The following ERCC6L2 variants were observed in gnomAD, a reference collection of about 807,000 sequenced individuals.
The protein encoded by ERCC6L2 is DNA excision repair protein ERCC-6-like 2.
In ERCC6L2, 77 loss-of-function variants were observed where a neutral mutation model predicts 132.0. The ratio of observed to expected loss-of-function variants is 0.58; its 90% CI spans 0.49 to 0.71. The LOEUF is 0.71. Ranked by LOEUF, ERCC6L2 falls within the 30% of genes least tolerant of loss-of-function variation. The pLI is 0.00. For synonymous variants in ERCC6L2, 583 were observed against 632.4 expected, an observed-to-expected ratio of 0.92 and a Z score of 1.17; for missense variants, 1,542 against 1,837.6, an observed-to-expected ratio of 0.84 and a Z score of 2.94.
intron 12 of ERCC6L2, among the ~76,000 whole-genome samples, chr9:95,955,160 A>C (rs1831538197): frequency 6.6e-6 from 1 of 152,122 alleles, no homozygotes; most frequent in African/African-American, 2.4e-5. Flanking sequence ...ATCAGTTTAG[A>C]ATTTTAATTA....
At chr9:96,009,492 C>T (rs1158172917) in intron 18 of ERCC6L2, among the ~76,000 whole-genome samples, 1 of 152,212 alleles carries the variant, frequency 6.6e-6, no homozygotes, top group Non-Finnish European at 1.5e-5. Flanking sequence ...GTTCCACCTC[C>T]CTTCCTCCAG....
chr9:95,928,956 T>A, intron 11 of ERCC6L2, 92 bp downstream of exon 11: 4 of 957,850 alleles, frequency 4.2e-6, no homozygotes, highest in Non-Finnish European at 5.9e-6. Context: ...TAATTTTTAA[T>A]GGCTATGCTT....
At position 96,015,014 on chromosome 9, in the gene ERCC6L2, A is replaced by ATTT. The variant is rs1564306540; in HGVS notation, c.*1811_*1812insTTT. ...AGCTCTATAGTCTTCATATATGTAC[A>ATTT]GTTTTTTTTTTTTTTTTTTTTTTTT... On this transcript the variant is annotated 3_prime_UTR_variant, in exon 19 of 19. Coordinates refer to ENST00000653738, the MANE Select transcript of ERCC6L2 (RefSeq NM_020207.7). Among the ~76,000 whole-genome samples the ATTT allele has an allele frequency of 1.5e-5, 1 of 66,150 alleles. No individual in the cohort carries two copies. The highest frequency in any genetic ancestry group is 7.7e-5 in the African/African-American group (1 of 12,922). 43.4% of individuals were successfully genotyped at this position (66,150 alleles called of 152,430 possible).
intron 12 of ERCC6L2, among the ~76,000 whole-genome samples, chr9:95,948,069 AG>A (rs778644243): frequency 2.7e-4 from 41 of 152,320 alleles, no homozygotes; most frequent in Non-Finnish European, 5.4e-4. Flanking sequence ...ACATTTTGTA[AG>A]GCTATAGCTG....
At chr9:96,035,571 C>A (rs569702381) in intron 19 of ERCC6L2, among the ~76,000 whole-genome samples, 1 of 152,306 alleles carries the variant, frequency 6.6e-6, no homozygotes, top group South Asian at 2.1e-4. Flanking sequence ...CCAGGGACTC[C>A]TCTCTGCTGA....
chr9:96,037,057 C>T (rs998662503), intron 19 of ERCC6L2, among the ~76,000 whole-genome samples: 11 of 152,246 alleles, frequency 7.2e-5, no homozygotes, highest in East Asian at 1.9e-4. Context: ...TGAGCCACTG[C>T]GCCCGGCCCC....
intron 17 of ERCC6L2, among the ~76,000 whole-genome samples, chr9:95,998,932 A>G (rs1049569937): frequency 3.9e-5 from 6 of 152,316 alleles, no homozygotes; most frequent in Non-Finnish European, 8.8e-5. Context: ...GATTCCTAAA[A>G]TTTATTTTTA....
rs1183139537 is a variant in ERCC6L2 at position 95,881,061 on chromosome 9, G to A, written c.239G>A (p.Arg80Lys). The part of the protein sequence containing the change: ...QEVKFVKDCP[R>K]NLIFDDEDLE... Reference sequence around the variant, plus strand: ...GTGAAATTTGTTAAAGATTGCCCTAGGAATCTTATATTTGATGATGAAGAT... The same window carrying A: ...GTGAAATTTGTTAAAGATTGCCCTAAGAATCTTATATTTGATGATGAAGAT... The change falls in exon 2 of 19, where the codon AGG (arginine) becomes AAG (lysine). Residue 80 changes from arginine to lysine, a missense_variant. This residue lies in a region of ERCC6L2 where 153 missense variants were observed against 132.3 expected (regional missense o/e 1.16). Transcript: ENST00000653738. The A allele has an allele frequency of 1.2e-6, 2 of 1,613,676 alleles. No individual in the cohort carries two copies. Among genetic ancestry groups the A allele is most frequent in the Admixed American group, 3.3e-5 (2 of 59,980 alleles).
intron 17 of ERCC6L2, among the ~76,000 whole-genome samples, chr9:95,993,528 C>G (rs1172657611): frequency 6.6e-6 from 1 of 152,146 alleles, no homozygotes; most frequent in East Asian, 1.9e-4. Flanking sequence ...TTCACCTGCT[C>G]CCCCCAATGC....
At chr9:95,953,012 A>T (rs1039349368) in intron 12 of ERCC6L2, among the ~76,000 whole-genome samples, 1 of 152,168 alleles carries the variant, frequency 6.6e-6, no homozygotes, top group African/African-American at 2.4e-5. Flanking sequence ...TTCATGTTGT[A>T]CCTAGAGTCA....
chr9:95,984,858 C>G (rs1466234879), intron 17 of ERCC6L2, among the ~76,000 whole-genome samples: 1 of 152,092 alleles, frequency 6.6e-6, no homozygotes. Context: ...TTCATAGTTT[C>G]TCTGGAAATT....
intron 17 of ERCC6L2, among the ~76,000 whole-genome samples, chr9:95,986,231 C>G (rs1833089054): frequency 6.6e-6 from 1 of 152,146 alleles, no homozygotes; most frequent in Non-Finnish European, 1.5e-5. Flanking sequence ...GAATAACCAT[C>G]AAAAATTGGG....
intron 12 of ERCC6L2, among the ~76,000 whole-genome samples, chr9:95,945,295 G>C (rs1032718555): frequency 1.3e-5 from 2 of 152,150 alleles, no homozygotes; most frequent in Admixed American, 1.3e-4. Context: ...TGTTCCACCC[G>C]GCTCACTGGC....
At chr9:96,020,791 T>C (rs1005643888), downstream of ERCC6L2, 6 of 456,506 alleles carry the variant, frequency 1.3e-5, no homozygotes, top group Admixed American at 7.0e-5. Context: ...CCTAAGAGAA[T>C]GGGAAGGCAG....
chr9:95,906,921 A>C (rs554200678), intron 3 of ERCC6L2, among the ~76,000 whole-genome samples, 157 bp from the exon 4 acceptor site: 6 of 152,314 alleles, frequency 3.9e-5, no homozygotes, highest in African/African-American at 1.4e-4. Flanking sequence ...GAGAATCTTC[A>C]ATGTCCAGAT....
intron 9 of ERCC6L2, 66 bp from the exon 10 acceptor site, chr9:95,928,012 TG>T: frequency 1.0e-6 from 1 of 978,276 alleles, no homozygotes. Flanking sequence ...TCTCAAGTGA[TG>T]TTTATATGTA....
chr9:95,877,802 C>G (rs1314154563), intron 1 of ERCC6L2, among the ~76,000 whole-genome samples: 1 of 145,488 alleles, frequency 6.9e-6, no homozygotes, highest in African/African-American at 2.6e-5. Context: ...ACACTCTTGT[C>G]TAAAAAAAAA....
chr9:95,922,439 TTC>T lies in ERCC6L2; in HGVS notation c.1413+23_1413+24del, dbSNP rs559348871. The T allele has an allele frequency of 4.6e-6, 6 of 1,296,926 alleles. No homozygotes were observed. The South Asian group carries it at 7.3e-5, about 16-fold the overall frequency. The allele number at this position is 1,296,926 out of a possible 1,614,324, so 80.3% of individuals were successfully genotyped here. ...AACAGGTTTGGTTAGCATTTTACAT[TTC>T]TTTGTGATGCTATTGTTGTGAATAT... On this transcript the variant is annotated intron_variant, in intron 8 of 18. Coordinates refer to ENST00000653738, the MANE Select transcript of ERCC6L2 (RefSeq NM_020207.7).
intron 16 of ERCC6L2, among the ~76,000 whole-genome samples, chr9:95,977,612 A>G (rs566993379): frequency 6.6e-6 from 1 of 152,344 alleles, no homozygotes; most frequent in South Asian, 2.1e-4. Context: ...AGTAAAACTG[A>G]GCAAAGCCAA....
Sources: allele counts gnomAD v4.1 joint callset (sites outside exome capture counted in the v4.1 genomes callset), GRCh38; gene constraint gnomAD v4.1.1; regional missense constraint gnomAD v4.1.1; transcripts MANE v1.5; gene names NCBI Gene and HGNC (gene_info 2026-07-23, HGNC 2026-07-21).